DGKA: variants seen among roughly 807,000 people sequenced by gnomAD.
DGKA encodes the protein diacylglycerol kinase alpha.
Under a neutral mutation model 105.0 loss-of-function variants are expected in DGKA, and 35 were observed. The observed-to-expected ratio is 0.33, with a 90% CI of 0.25 to 0.44. The LOEUF is 0.44. Among genes scored for constraint, DGKA ranks in the 20% least tolerant of loss-of-function variants. The pLI is 1.00. For synonymous variants in DGKA, 296 were observed against 332.0 expected (o/e 0.89, Z 1.18); for missense variants, 665 against 915.0 (o/e 0.73, Z 3.53).
intron 1 of DGKA, among the ~76,000 whole-genome samples, chr12:55,934,991 G>A (rs756994284): frequency 6.6e-6 from 1 of 152,204 alleles, no homozygotes; most frequent in Non-Finnish European, 1.5e-5. Context: ...TGTGAGGAGA[G>A]AGTGGAACAA....
At chr12:55,938,761 C>T (rs2136317763) in intron 6 of DGKA, 154 bp from the exon 7 acceptor site, 1 of 1,525,844 alleles carries the variant, frequency 6.6e-7, no homozygotes, top group African/African-American at 1.4e-5. Context: ...GTCTGCCTTA[C>T]AAACATACAA....
chr12:55,943,925 G>C (rs1206580159), intron 17 of DGKA, among the ~76,000 whole-genome samples: 1 of 152,112 alleles, frequency 6.6e-6, no homozygotes, highest in East Asian at 1.9e-4. Context: ...AAGCAAACAA[G>C]TTAGCAGAAA....
intron 17 of DGKA, among the ~76,000 whole-genome samples, chr12:55,947,130 C>T (rs953088941): frequency 3.9e-4 from 59 of 151,934 alleles, no homozygotes; most frequent in Non-Finnish European, 1.0e-4. Context: ...GAATTACAGG[C>T]ATGTGCCACC....
Position 55,931,317 on chromosome 12 carries a change from C to A in DGKA, c.-109C>A, listed in dbSNP as rs1241061619. 6.6e-6 allele frequency: 1 copy of A among 152,178 alleles called. No homozygotes were observed. Among genetic ancestry groups the A allele is most frequent in the Admixed American group, 6.6e-5 (1 of 15,266 alleles). The allele number at this position is 152,178 out of a possible 1,614,324, so 9.4% of individuals were successfully genotyped here. A position where few individuals can be genotyped will look rare whatever the true frequency, so the allele number is the denominator to read the frequency against. ...TTCACTCCCTACTTTTGGCCAGGGC[C>A]TTCTGTGCCACCTGCCAAGACCAGC... On this transcript the variant is annotated 5_prime_UTR_variant, in exon 1 of 24. Coordinates refer to ENST00000331886, the MANE Select transcript of DGKA (RefSeq NM_001345.5).
Position 55,932,578 on chromosome 12 carries a change from G to A in DGKA, c.-82+1234G>A. 1.4e-6 allele frequency: 1 copy of A among 702,270 alleles called. No individual in the cohort carries two copies. 43.5% of individuals were successfully genotyped at this position (702,270 alleles called of 1,614,324 possible). ...CTTGATAGGAGAAATGAGCCTTCCT[G>A]AGGAAGAATGGCAAATATTACTGGG... On this transcript the variant is annotated intron_variant, in intron 1 of 23. Coordinates refer to ENST00000331886, the MANE Select transcript of DGKA (RefSeq NM_001345.5). The surrounding 1 kb of genome is among the most constrained non-coding windows in gnomAD (Gnocchi z 4.3).
intron 17 of DGKA, among the ~76,000 whole-genome samples, chr12:55,945,949 C>T (rs11838363): frequency 0.079 from 12,057 of 151,902 alleles, 1,661 homozygotes; most frequent in African/African-American, 0.28. Context: ...GCCAACACAC[C>T]GGCTAATTTT....
Position 55,940,584 on chromosome 12 carries a change from G to T in DGKA, c.919-40G>T, listed in dbSNP as rs756884610. The T allele has an allele frequency of 3.7e-5, 57 of 1,556,892 alleles. No individual in the cohort carries two copies. Among genetic ancestry groups the T allele is most frequent in the Non-Finnish European group, 4.8e-5 (55 of 1,153,232 alleles). On this transcript the variant is annotated intron_variant, in intron 11 of 23. Coordinates refer to ENST00000331886, the MANE Select transcript of DGKA (RefSeq NM_001345.5). The surrounding 1 kb of genome is among the most constrained non-coding windows in gnomAD (Gnocchi z 4.3). The stretch of plus-strand genomic sequence containing the variant: ...GACTGCCAGGTTGAGAGGAGACAGG[G>T]TTACCTTCGTGATCTCTCTGTGCCC...
intron 4 of DGKA, 126 bp downstream of exon 4, chr12:55,937,669 C>T: frequency 7.7e-7 from 1 of 1,305,220 alleles, no homozygotes; most frequent in Non-Finnish European, 1.1e-6. Context: ...GGAGAATAGT[C>T]AGGCTGGTCT....
In DGKA at chr12:55,939,001, C is replaced by G. The variant is rs1174010152; in HGVS notation, c.474+12C>G. The G allele has an allele frequency of 1.2e-6, 2 of 1,614,168 alleles. No individual in the cohort carries two copies. Among genetic ancestry groups the G allele is most frequent in the Admixed American group, 3.3e-5 (2 of 60,022 alleles). On this transcript the variant is annotated intron_variant, in intron 7 of 23. Transcript: ENST00000331886. ...CTGAGCTGAGGCCGGTAAGGCAGCT[C>G]TTCCTTCATGTCCCTTCTTGTACCT...
In DGKA at chr12:55,940,780, G is replaced by C; in HGVS notation, c.1017+58G>C. 1 of 1,592,732 alleles carries C rather than the reference G, an allele frequency of 6.3e-7. No homozygotes were observed. Among genetic ancestry groups the C allele is most frequent in the African/African-American group, 1.3e-5 (1 of 74,560 alleles). On this transcript the variant is annotated intron_variant, in intron 12 of 23. Transcript: ENST00000331886. The surrounding 1 kb of genome is among the most constrained non-coding windows in gnomAD (Gnocchi z 4.3). Reference sequence around the variant, plus strand: ...GGAGTGCCTCCCCGATTTCCCACACGCACAGAGTGGCATTTAGAATAGAGA... The same window carrying C: ...GGAGTGCCTCCCCGATTTCCCACACCCACAGAGTGGCATTTAGAATAGAGA...
intron 17 of DGKA, 142 bp downstream of exon 17, chr12:55,942,405 T>A: frequency 1.3e-6 from 1 of 759,084 alleles, no homozygotes; most frequent in South Asian, 1.7e-5. Context: ...AAAAGTGGAA[T>A]GTCCAAAAAG....
chr12:55,935,980 G>A (rs1412637940), intron 1 of DGKA: 1 of 989,222 alleles, frequency 1.0e-6, no homozygotes, highest in Admixed American at 5.9e-5. Context: ...TCAGAGGGCC[G>A]GAACTGCCGG....
chr12:55,944,868 C>T (rs1188531289), intron 17 of DGKA, among the ~76,000 whole-genome samples: 1 of 152,152 alleles, frequency 6.6e-6, no homozygotes, highest in African/African-American at 2.4e-5. Flanking sequence ...GGCACAATCT[C>T]AGCTCACTGC....
At chr12:55,928,210 A>G (rs546076022), upstream of DGKA, 1 of 170,052 alleles carries the variant, frequency 5.9e-6, no homozygotes, top group East Asian at 1.7e-4. Context: ...TCAGGTGTCA[A>G]CTCTGCCCTC....
chr12:55,937,230 A>G (rs1884933696), intron 3 of DGKA, 140 bp downstream of exon 3: 4 of 1,229,782 alleles, frequency 3.3e-6, no homozygotes, highest in Admixed American at 3.8e-5. Flanking sequence ...CACTCTGACT[A>G]TTGCTTTAGG....
chr12:55,932,638 C>T lies in DGKA; in HGVS notation c.-82+1294C>T. On this transcript the variant is annotated intron_variant, in intron 1 of 23. Transcript: ENST00000331886. This position sits in a 1 kb window ranked among gnomAD's most constrained non-coding sequence, Gnocchi z 4.3. ...AGCCTCAGCACAGACAAGCCCACAT[C>T]CCCCAACCATGCCAGTATCGTAACT... 1.4e-6 allele frequency: 1 copy of T among 701,650 alleles called. No individual in the cohort carries two copies. 43.5% of individuals were successfully genotyped at this position (701,650 alleles called of 1,614,324 possible).
chr12:55,946,388 A>T (rs1887007738), intron 17 of DGKA, among the ~76,000 whole-genome samples: 1 of 147,306 alleles, frequency 6.8e-6, no homozygotes, highest in Admixed American at 6.7e-5. Flanking sequence ...ATGGAGTCTC[A>T]CTCCATCGCA....
At chr12:55,941,658 G>C in intron 15 of DGKA, 74 bp downstream of exon 15, 2 of 1,471,624 alleles carry the variant, frequency 1.4e-6, no homozygotes, top group Non-Finnish European at 1.9e-6. Context: ...GAGAGTGCAG[G>C]AAAGAGTGCA....
chr12:55,951,962 G>A, intron 18 of DGKA, 73 bp from the exon 19 acceptor site: 1 of 1,577,000 alleles, frequency 6.3e-7, no homozygotes, highest in Non-Finnish European at 8.7e-7. Flanking sequence ...GCAGCATGGG[G>A]ACTTGGGAAA....
Sources: allele counts gnomAD v4.1 joint callset (sites outside exome capture counted in the v4.1 genomes callset), GRCh38; gene constraint gnomAD v4.1.1; non-coding constraint Gnocchi (gnomAD v3.1); transcripts MANE v1.5; gene names NCBI Gene and HGNC (gene_info 2026-07-23, HGNC 2026-07-21).